The following MMAA variants were observed in gnomAD, a reference collection of about 807,000 sequenced individuals.
The protein encoded by MMAA is methylmalonic aciduria type A protein, mitochondrial.
MMAA carries 41 observed loss-of-function variants against 45.0 expected under a neutral mutation model. That is an observed-to-expected ratio of 0.91 (90% CI 0.71 to 1.18). The LOEUF is 1.18. Ranked by LOEUF, MMAA falls within the 50% of genes most tolerant of loss-of-function variation. The probability of loss-of-function intolerance (pLI) is 0.00; values close to 1 mark genes in which losing one functional copy is unlikely to be tolerated. For synonymous variants in MMAA, 154 were observed against 178.2 expected (o/e 0.86, Z 1.08); for missense variants, 460 against 495.7 (o/e 0.93, Z 0.68).
chr4:145,652,494 C>T (rs1372225287), intron 5 of MMAA, among the ~76,000 whole-genome samples: 7 of 151,910 alleles, frequency 4.6e-5, no homozygotes, highest in African/African-American at 9.7e-5. Context: ...TTTGGGAGGC[C>T]GAGGTGGGCG....
chr4:145,638,099 G>T (rs908153305), intron 1 of MMAA, among the ~76,000 whole-genome samples: 1 of 152,198 alleles, frequency 6.6e-6, no homozygotes, highest in African/African-American at 2.4e-5. Flanking sequence ...GCCGGGCGTG[G>T]GGGCTCATGC....
At chr4:145,622,368 A>C (rs1734106012) in intron 1 of MMAA, among the ~76,000 whole-genome samples, 1 of 152,132 alleles carries the variant, frequency 6.6e-6, no homozygotes, top group South Asian at 2.1e-4. Flanking sequence ...AAGTCCATTA[A>C]ACCCTTTTTC....
At chr4:145,625,322 G>A in intron 1 of MMAA, 1 of 713,838 alleles carries the variant, frequency 1.4e-6, no homozygotes, top group Non-Finnish European at 2.6e-6. Context: ...TCTGGAAGAA[G>A]TCTGTCTATT....
chr4:145,641,336 G>C (rs1032835155), intron 2 of MMAA, among the ~76,000 whole-genome samples: 1 of 152,136 alleles, frequency 6.6e-6, no homozygotes, highest in Non-Finnish European at 1.5e-5. Flanking sequence ...CTTCCATCTT[G>C]ATCTTATGAG....
At chr4:145,629,493 T>C (rs867871219) in intron 1 of MMAA, among the ~76,000 whole-genome samples, 3 of 152,168 alleles carry the variant, frequency 2.0e-5, no homozygotes, top group Non-Finnish European at 4.4e-5. Flanking sequence ...ATTCATTCTA[T>C]AAGGCCAGTA....
chr4:145,638,788 C>T (rs759960703), intron 1 of MMAA, among the ~76,000 whole-genome samples: 5 of 152,020 alleles, frequency 3.3e-5, no homozygotes, highest in Admixed American at 6.6e-5. Context: ...AAGTTTCTAC[C>T]CTAGTGGTAT....
At position 145,642,462 on chromosome 4, in the gene MMAA, A is replaced by C; in HGVS notation, c.539A>C (p.Asp180Ala). The C allele has an allele frequency of 2.5e-6, 4 of 1,614,088 alleles. No individual in the cohort carries two copies. Among genetic ancestry groups the C allele is most frequent in the Non-Finnish European group, 3.4e-6 (4 of 1,179,990 alleles). The change falls in exon 3 of 7, where the codon GAC (aspartate) becomes GCC (alanine). Residue 180 changes from aspartate to alanine, a missense_variant. Asp to Ala is a moderately radical substitution (Grantham distance 126, BLOSUM62 -2). Coordinates refer to ENST00000649156, the MANE Select transcript of MMAA (RefSeq NM_172250.3). ...RGHKLSVLAVDPSSCTSGGSL... is the reference protein window; with the variant it reads ...RGHKLSVLAVAPSSCTSGGSL... The stretch of plus-strand genomic sequence containing the variant: ...CACAAATTATCTGTGCTAGCTGTGG[A>C]CCCTTCTTCTTGTACTAGTGGTGGT...
intron 3 of MMAA, among the ~76,000 whole-genome samples, chr4:145,645,330 G>A (rs1298586403): frequency 6.6e-6 from 1 of 152,166 alleles, no homozygotes; most frequent in Non-Finnish European, 1.5e-5. Flanking sequence ...AAGGTTCCAG[G>A]CAGACTATAT....
intron 2 of MMAA, among the ~76,000 whole-genome samples, chr4:145,641,876 T>A (rs1727796185): frequency 6.6e-6 from 1 of 152,230 alleles, no homozygotes; most frequent in Non-Finnish European, 1.5e-5. Flanking sequence ...CTTTGAGTTA[T>A]GAGTGAGATG....
At chr4:145,638,448 G>A (rs1479407666) in intron 1 of MMAA, among the ~76,000 whole-genome samples, 1 of 152,196 alleles carries the variant, frequency 6.6e-6, no homozygotes, top group Non-Finnish European at 1.5e-5. Flanking sequence ...TAGTGGGGCT[G>A]GGAATGTGCA....
Position 145,655,561 on chromosome 4 carries a change from T to C in MMAA, c.*127T>C. 1.0e-6 allele frequency: 1 copy of C among 975,962 alleles called. No homozygotes were observed. Among genetic ancestry groups the C allele is most frequent in the Non-Finnish European group, 1.5e-6 (1 of 678,104 alleles). 60.5% of individuals were successfully genotyped at this position (975,962 alleles called of 1,614,324 possible). A position where few individuals can be genotyped will look rare whatever the true frequency, so the allele number is the denominator to read the frequency against. ...TCTTGTCTTCTTTGTTTGTGACCCA[T>C]GCTTGAAAACTTGAAGGAAGTTAGA... On this transcript the variant is annotated 3_prime_UTR_variant, in exon 7 of 7. Coordinates refer to ENST00000649156, the MANE Select transcript of MMAA (RefSeq NM_172250.3).
rs896375111 is a variant in MMAA at position 145,659,891 on chromosome 4, A to G, written c.*4457A>G. ...GCGAACCATAGTCACCCTACTGTGC[A>G]ATAGAACACCTGAACTTATTCCTCC... On this transcript the variant is annotated 3_prime_UTR_variant, in exon 7 of 7. Transcript: ENST00000649156. The G allele has an allele frequency of 2.6e-5, 4 of 152,124 alleles. No homozygotes were observed. The highest frequency in any genetic ancestry group is 5.9e-5 in the Non-Finnish European group (4 of 68,030). 9.4% of individuals were successfully genotyped at this position (152,124 alleles called of 1,614,324 possible). A position where few individuals can be genotyped will look rare whatever the true frequency, so the allele number is the denominator to read the frequency against.
At chr4:145,639,638 T>C (rs993358804) in intron 2 of MMAA, 60 bp downstream of exon 2, 31 of 1,548,380 alleles carry the variant, frequency 2.0e-5, no homozygotes, top group Non-Finnish European at 2.7e-5. Context: ...GTATTCTGTT[T>C]TTTAAAAAAA....
chr4:145,624,690 A>T, intron 1 of MMAA: 2 of 1,527,810 alleles, frequency 1.3e-6, no homozygotes, highest in Non-Finnish European at 1.8e-6. Context: ...TTTGGGTTCC[A>T]TGGGCATCCC....
intron 6 of MMAA, among the ~76,000 whole-genome samples, chr4:145,654,552 TGTG>T (rs1728174900): frequency 6.6e-6 from 1 of 152,238 alleles, no homozygotes. Flanking sequence ...GTAATATTGA[TGTG>T]GTCATCTTTA....
At chr4:145,625,732 G>C (rs1734189285) in intron 1 of MMAA, 12 of 1,455,788 alleles carry the variant, frequency 8.2e-6, no homozygotes, top group African/African-American at 4.2e-5. Flanking sequence ...TGATGAATAA[G>C]ACAATTGAAC....
At chr4:145,630,294 G>T (rs903147940) in intron 1 of MMAA, among the ~76,000 whole-genome samples, 2 of 152,148 alleles carry the variant, frequency 1.3e-5, no homozygotes, top group African/African-American at 4.8e-5. Flanking sequence ...ACATATACTT[G>T]CTCATAATAA....
chr4:145,624,461 A>G, intron 1 of MMAA: 1 of 845,860 alleles, frequency 1.2e-6, no homozygotes, highest in East Asian at 2.4e-5. Flanking sequence ...CTTTGTCTTC[A>G]GTATTAGGCC....
chr4:145,631,672 C>T (rs934935687), intron 1 of MMAA, among the ~76,000 whole-genome samples: 2 of 152,022 alleles, frequency 1.3e-5, no homozygotes, highest in East Asian at 1.9e-4. Flanking sequence ...TAAGTAAACA[C>T]TTATTCTTGC....
Sources: gnomAD v4.1 joint callset for allele counts (sites outside exome capture counted in the v4.1 genomes callset) on GRCh38, gnomAD v4.1.1 for gene constraint, MANE v1.5 for transcripts, NCBI Gene and HGNC (gene_info 2026-07-23, HGNC 2026-07-21) for gene names.